The following SPMIP11 variants were observed in gnomAD, a reference collection of about 807,000 sequenced individuals.
The protein encoded by SPMIP11 is long intergenic non-protein coding RNA 935.
the SPMIP11 span, among the ~76,000 whole-genome samples, chr12:48,743,712 C>T: frequency 1.2e-4 from 19 of 152,100 alleles, no homozygotes; most frequent in East Asian, 3.3e-3. Context: ...GAGGCCAAGG[C>T]GGGCGGATCG....
the SPMIP11 span, among the ~76,000 whole-genome samples, chr12:48,758,291 C>T: frequency 6.6e-6 from 1 of 152,306 alleles, no homozygotes; most frequent in African/African-American, 2.4e-5. Flanking sequence ...CAGAATCATG[C>T]CATAGACCTG....
the SPMIP11 span, among the ~76,000 whole-genome samples, chr12:48,765,379 C>T: frequency 3.9e-5 from 6 of 152,240 alleles, no homozygotes; most frequent in African/African-American, 9.6e-5. Flanking sequence ...TACAGGCACC[C>T]GCCACCGTGA....
chr12:48,742,357 C>T, the SPMIP11 span, among the ~76,000 whole-genome samples: 1 of 149,410 alleles, frequency 6.7e-6, no homozygotes, highest in Admixed American at 6.7e-5. Context: ...TCTCGGCTCA[C>T]CGCAACCTCC....
the SPMIP11 span, among the ~76,000 whole-genome samples, chr12:48,760,151 T>C: frequency 2.6e-5 from 4 of 152,038 alleles, no homozygotes; most frequent in Admixed American, 6.6e-5. Flanking sequence ...GTCCTAGTTC[T>C]GCCTCTTTTT....
the SPMIP11 span, among the ~76,000 whole-genome samples, chr12:48,754,871 C>T: frequency 1.3e-5 from 2 of 150,800 alleles, no homozygotes; most frequent in African/African-American, 4.8e-5. Context: ...TTCAGCCTCC[C>T]GAGTAGCTGG....
chr12:48,734,528 T>G, the SPMIP11 span, among the ~76,000 whole-genome samples: 3 of 152,164 alleles, frequency 2.0e-5, no homozygotes, highest in African/African-American at 7.2e-5. Context: ...TAATTTTAGG[T>G]TCAAGATAGG....
the SPMIP11 span, chr12:48,767,712 C>T: frequency 6.5e-6 from 1 of 152,784 alleles, no homozygotes; most frequent in East Asian, 1.9e-4. Context: ...AGCACTGGGG[C>T]AGAGTGACCT....
At chr12:48,730,050 C>T in the SPMIP11 span, among the ~76,000 whole-genome samples, 303 of 152,206 alleles carry the variant, frequency 2.0e-3, 2 homozygotes, top group Non-Finnish European at 3.6e-3. Context: ...CTCCTGGCTG[C>T]TCCAATCCTA....
At chr12:48,736,746 C>A in the SPMIP11 span, among the ~76,000 whole-genome samples, 1 of 151,612 alleles carries the variant, frequency 6.6e-6, no homozygotes, top group African/African-American at 2.4e-5. Flanking sequence ...TGCAATATGC[C>A]AAGAAGCTTT....
chr12:48,768,709 G>A, the SPMIP11 span: 11 of 1,613,982 alleles, frequency 6.8e-6, no homozygotes, highest in South Asian at 2.2e-5. Flanking sequence ...GTACAGGTCC[G>A]TGGTCACCTG....
At chr12:48,761,308 G>A in the SPMIP11 span, among the ~76,000 whole-genome samples, 11 of 152,008 alleles carry the variant, frequency 7.2e-5, no homozygotes, top group East Asian at 1.4e-3. Context: ...AATGTTAGCC[G>A]GGCATAGTGG....
chr12:48,728,409 G>C, the SPMIP11 span, among the ~76,000 whole-genome samples: 3 of 152,146 alleles, frequency 2.0e-5, no homozygotes, highest in African/African-American at 7.2e-5. Context: ...GATGATTGGC[G>C]TTCACTAAAA....
chr12:48,734,814 T>C, the SPMIP11 span, among the ~76,000 whole-genome samples: 18 of 151,736 alleles, frequency 1.2e-4, no homozygotes, highest in African/African-American at 2.4e-4. Context: ...CCATCCTGGC[T>C]AACATGGTGA....
the SPMIP11 span, among the ~76,000 whole-genome samples, chr12:48,756,456 G>A: frequency 1.3e-5 from 2 of 152,196 alleles, no homozygotes; most frequent in African/African-American, 2.4e-5. Flanking sequence ...GATAGAAAAT[G>A]TTAAAAGAGA....
chr12:48,749,394 C>T, the SPMIP11 span, among the ~76,000 whole-genome samples: 6 of 151,738 alleles, frequency 4.0e-5, no homozygotes, highest in African/African-American at 1.2e-4. Flanking sequence ...TTTGGGTGGC[C>T]GAGGCAGGTG....
the SPMIP11 span, chr12:48,764,872 T>A: frequency 1.4e-6 from 1 of 702,572 alleles, no homozygotes; most frequent in South Asian, 1.5e-5. Context: ...GTCTTCAGAA[T>A]CCCCTTGACT....
chr12:48,732,680 G>C, the SPMIP11 span, among the ~76,000 whole-genome samples: 3 of 151,858 alleles, frequency 2.0e-5, no homozygotes. Flanking sequence ...TGAGGCAGGA[G>C]AATCGCTTGA....
chr12:48,753,681 C>CTTTTTTTTTTTCTTTCTTTTT, the SPMIP11 span, among the ~76,000 whole-genome samples: 1 of 120,892 alleles, frequency 8.3e-6, no homozygotes, highest in African/African-American at 3.4e-5. Flanking sequence ...CTTTTCTTTA[C>CTTTTTTTTTTTCTTTCTTTTT]TTTTTTTTTT....
the SPMIP11 span, among the ~76,000 whole-genome samples, chr12:48,728,940 A>G: frequency 6.6e-6 from 1 of 152,196 alleles, no homozygotes; most frequent in African/African-American, 2.4e-5. Context: ...TTTAGTAGGC[A>G]GTGAGCAGAT....
Sources: gnomAD v4.1 joint callset for allele counts (sites outside exome capture counted in the v4.1 genomes callset) on GRCh38, gnomAD v4.1.1 for gene constraint, MANE v1.5 for transcripts, NCBI Gene and HGNC (gene_info 2026-07-23, HGNC 2026-07-21) for gene names.